SGCE: variants seen among roughly 807,000 people sequenced by gnomAD.
SGCE encodes epsilon-sarcoglycan.
SGCE carries 26 observed loss-of-function variants against 57.8 expected under a neutral mutation model. The observed-to-expected ratio is 0.45, with a 90% CI of 0.33 to 0.62. The LOEUF is 0.62. Ranked by LOEUF, SGCE falls within the 20% of genes least tolerant of loss-of-function variation. The pLI is 0.02. For synonymous variants in SGCE, 183 were observed against 189.5 expected, an observed-to-expected ratio of 0.97 and a Z score of 0.28; for missense variants, 468 against 548.6, an observed-to-expected ratio of 0.85 and a Z score of 1.47.
chr7:94,629,912 C>T (rs1029242456), intron 1 of SGCE, 71 bp from the exon 2 acceptor site: 23 of 1,577,628 alleles, frequency 1.5e-5, no homozygotes, highest in South Asian at 3.4e-5. Context: ...ATTCAGCTTA[C>T]GCTGTTTATA....
intron 1 of SGCE, among the ~76,000 whole-genome samples, chr7:94,635,979 T>A (rs1805548660): frequency 6.6e-6 from 1 of 152,210 alleles, no homozygotes; most frequent in Non-Finnish European, 1.5e-5. Context: ...AATCCATCAC[T>A]AAGAAGGCAT....
chr7:94,647,429 C>T (rs1393085970), intron 1 of SGCE, among the ~76,000 whole-genome samples: 2 of 152,280 alleles, frequency 1.3e-5, no homozygotes, highest in East Asian at 3.9e-4. Flanking sequence ...CAACTCTATC[C>T]TCAATTACTA....
chr7:94,646,078 G>T (rs1221950286), intron 1 of SGCE, among the ~76,000 whole-genome samples: 1 of 152,142 alleles, frequency 6.6e-6, no homozygotes, highest in Non-Finnish European at 1.5e-5. Context: ...GTTGTCCAAG[G>T]ACTAAAAAGA....
chr7:94,610,555 A>C (rs1294650474), intron 5 of SGCE, among the ~76,000 whole-genome samples: 1 of 152,162 alleles, frequency 6.6e-6, no homozygotes, highest in African/African-American at 2.4e-5. Flanking sequence ...AAACTATTAA[A>C]CTCTGAGAAG....
intron 1 of SGCE, among the ~76,000 whole-genome samples, chr7:94,644,825 T>A (rs1806846124): frequency 6.6e-6 from 1 of 152,210 alleles, no homozygotes; most frequent in South Asian, 2.1e-4. Flanking sequence ...TTCTCCTCAT[T>A]TCTTTTAAAA....
At chr7:94,632,890 C>A (rs1313348598) in intron 1 of SGCE, among the ~76,000 whole-genome samples, 1 of 152,054 alleles carries the variant, frequency 6.6e-6, no homozygotes, top group African/African-American at 2.4e-5. Context: ...TCCACTCCAA[C>A]ACCTACAGAG....
intron 3 of SGCE, chr7:94,626,763 T>C (rs1005753144): frequency 2.0e-5 from 3 of 152,002 alleles, no homozygotes; most frequent in Non-Finnish European, 4.4e-5. Flanking sequence ...CTTGTTTTGT[T>C]CCTGAATTTA....
At chr7:94,612,422 A>G (rs968188554) in intron 5 of SGCE, among the ~76,000 whole-genome samples, 1 of 152,192 alleles carries the variant, frequency 6.6e-6, no homozygotes, top group Non-Finnish European at 1.5e-5. Flanking sequence ...AATCTCTAAA[A>G]TATAATTTTG....
Position 94,618,934 on chromosome 7 carries a change from T to G in SGCE, c.486A>C (p.Ala162=). 1.2e-6 allele frequency: 2 copies of G among 1,613,504 alleles called. No homozygotes were observed. Among genetic ancestry groups the G allele is most frequent in the Non-Finnish European group, 1.7e-6 (2 of 1,179,442 alleles). The change falls in exon 5 of 11, where the codon GCA becomes GCC. Residue 162 remains alanine (A), a synonymous_variant. Coordinates refer to ENST00000648936, the MANE Select transcript of SGCE (RefSeq NM_003919.3). ...SAEDFPLPYQ[A]EFFIKNMNVE... is the part of the protein sequence containing the mutation. Reference sequence around the variant, plus strand: ...CATTCATATTCTTAATGAAGAATTCTGCTTGATATGGCAACGGGAAGTCTA... The same window carrying G: ...CATTCATATTCTTAATGAAGAATTCGGCTTGATATGGCAACGGGAAGTCTA...
At chr7:94,615,125 C>T (rs754283571) in intron 5 of SGCE, among the ~76,000 whole-genome samples, 3 of 152,120 alleles carry the variant, frequency 2.0e-5, no homozygotes, top group Non-Finnish European at 4.4e-5. Flanking sequence ...CTCTGGGAGG[C>T]CAAGGCGGGT....
Position 94,656,059 on chromosome 7 carries a change from C to G in SGCE, c.40G>C (p.Ala14Pro). ...GTCCCCCGACCCTGTCCCGTCCAAG[C>G]ACAGGGGTCTCCCAGCTCCCACCAC... The part of the protein sequence containing the change: ...PRWWELGDPC[A>P]WTGQGRGTRR... Residue 14 changes from alanine (A) to proline (P), a missense_variant, in exon 1 of 11, where the codon GCT becomes CCT. Physicochemically the swap from Ala to Pro is conservative, Grantham distance 27. Coordinates refer to ENST00000648936, the MANE Select transcript of SGCE (RefSeq NM_003919.3). 1 of 1,613,278 alleles carries G rather than the reference C, an allele frequency of 6.2e-7. No individual in the cohort carries two copies. The highest frequency in any genetic ancestry group is 8.5e-7 in the Non-Finnish European group (1 of 1,179,328).
intron 5 of SGCE, among the ~76,000 whole-genome samples, chr7:94,605,420 A>AAAT (rs1227450676): frequency 1.3e-5 from 2 of 152,196 alleles, no homozygotes; most frequent in African/African-American, 4.8e-5. Flanking sequence ...AACTTGTTTA[A>AAAT]AATAATAGCA....
At chr7:94,637,906 G>C (rs1235915143) in intron 1 of SGCE, among the ~76,000 whole-genome samples, 2 of 152,218 alleles carry the variant, frequency 1.3e-5, no homozygotes, top group South Asian at 2.1e-4. Flanking sequence ...TGACAGAGCA[G>C]AAGTGCAGTG....
chr7:94,627,098 C>G (rs1803844807), intron 3 of SGCE: 1 of 152,012 alleles, frequency 6.6e-6, no homozygotes, highest in Non-Finnish European at 1.5e-5. Context: ...TATAGTTACA[C>G]TGCCTTAAGG....
chr7:94,615,367 TAGATAGATAGA>T (rs1183535437), intron 5 of SGCE, among the ~76,000 whole-genome samples: 1 of 1,624 alleles, frequency 6.2e-4, no homozygotes, highest in Non-Finnish European at 1.0e-3. Context: ...TCAAAATAAA[TAGATAGATAGA>T]TAGATAGATA....
chr7:94,587,629 C>CTTA, intron 10 of SGCE: 1 of 1,429,112 alleles, frequency 7.0e-7, no homozygotes. Context: ...CTCCTGAATG[C>CTTA]TTACAAAGTA....
At position 94,629,761 on chromosome 7, in the gene SGCE, T is replaced by C; in HGVS notation, c.190A>G (p.Arg64Gly). ...GGAAATTCCCCCTTAAAATATTCTC[T>C]TTCCAAAACATGAACAAAGAGGACA... ...AGVLFVHVLE[R>G]EYFKGEFPPY... The change falls in exon 2 of 11, where the codon AGA (arginine) becomes GGA (glycine). Residue 64 changes from arginine (R) to glycine (G), a missense_variant. Transcript: ENST00000648936. 6.2e-7 allele frequency: 1 copy of C among 1,611,508 alleles called. No homozygotes were observed. The highest frequency in any genetic ancestry group is 8.5e-7 in the Non-Finnish European group (1 of 1,178,064).
chr7:94,599,306 G>A lies in SGCE; in HGVS notation c.1065-343C>T, dbSNP rs551846576. On this transcript the variant is annotated intron_variant, in intron 8 of 10. Coordinates refer to ENST00000648936, the MANE Select transcript of SGCE (RefSeq NM_003919.3). Reference sequence around the variant, plus strand: ...TAGCTTTTATATTTTTGCTTCTGGTGGGGCATTTATAAATACTCACAGAAG... The same window carrying A: ...TAGCTTTTATATTTTTGCTTCTGGTAGGGCATTTATAAATACTCACAGAAG... 6.6e-5 allele frequency: 19 copies of A among 287,010 alleles called. No homozygotes were observed. The Admixed American group carries it at 8.1e-4, about 12-fold the overall frequency. 17.8% of individuals were successfully genotyped at this position (287,010 alleles called of 1,614,324 possible).
rs1354668672 is a variant in SGCE, at chr7:94,600,769, G to A, written c.914C>T (p.Ser305Phe). 4 of 1,613,688 alleles carry A rather than the reference G, an allele frequency of 2.5e-6. No homozygotes were observed. The South Asian group carries it at 4.4e-5, about 18-fold the overall frequency. ...LPDGGEYKPP[S>F]DSLKSRDYYT... ...ATAGTCTCTGCTTTTCAAAGAATCA[G>A]AAGGGGGTTTGTATTCTCCACCATC... Residue 305 changes from serine to phenylalanine, a missense_variant, in exon 7 of 11, where the codon TCT (serine) becomes TTT (phenylalanine). By Grantham distance (155) the Ser-to-Phe change is radical (BLOSUM62 -2). Transcript: ENST00000648936.
Sources: gnomAD v4.1 joint callset for allele counts (sites outside exome capture counted in the v4.1 genomes callset) on GRCh38, gnomAD v4.1.1 for gene constraint, MANE v1.5 for transcripts, NCBI Gene and HGNC (gene_info 2026-07-23, HGNC 2026-07-21) for gene names.